Variants in FAAH2 observed in about 807,000 individuals in gnomAD.
The protein encoded by FAAH2 is fatty-acid amide hydrolase 2.
Under a neutral mutation model 36.9 loss-of-function variants are expected in FAAH2, and 60 were observed. The observed-to-expected ratio is 1.63, with a 90% CI of 1.32 to 2.02. The LOEUF is 2.02. Ranked by LOEUF, FAAH2 falls within the 30% of genes most tolerant of loss-of-function variation. FAAH2 has a pLI of 0.00. For synonymous variants in FAAH2, 214 were observed against 143.8 expected (o/e 1.49, Z -3.49); for missense variants, 689 against 397.5 (o/e 1.73, Z -6.23).
intron 4 of FAAH2, among the ~76,000 whole-genome samples, chrX:57,335,847 G>T (rs992454478): frequency 1.8e-5 from 2 of 111,848 alleles, no homozygotes; most frequent in Admixed American, 9.4e-5. Flanking sequence ...TTGTGTCTCT[G>T]GGTACTTGAG....
chrX:57,295,639 G>A (rs888568979), intron 2 of FAAH2, among the ~76,000 whole-genome samples: 4 of 112,220 alleles, frequency 3.6e-5, no homozygotes, highest in Non-Finnish European at 7.5e-5. Flanking sequence ...CACCGTGCAT[G>A]AGCAGCAGCA....
the FAAH2 span, among the ~76,000 whole-genome samples, chrX:57,248,085 C>T: frequency 8.9e-6 from 1 of 111,944 alleles, no homozygotes; most frequent in Non-Finnish European, 1.9e-5. Context: ...CATATTTACT[C>T]ACATGGAGCT....
At chrX:57,424,491 T>C (rs2056113225) in intron 7 of FAAH2, among the ~76,000 whole-genome samples, 1 of 111,823 alleles carries the variant, frequency 8.9e-6, no homozygotes, top group Non-Finnish European at 1.9e-5. Context: ...GAGAAAAATA[T>C]CTGGGAACCA....
chrX:57,302,687 C>T (rs906715547), intron 2 of FAAH2, among the ~76,000 whole-genome samples: 3 of 111,343 alleles, frequency 2.7e-5, no homozygotes, highest in Non-Finnish European at 3.8e-5. Context: ...CGCTCCCCTA[C>T]CACTGGCTGT....
intron 5 of FAAH2, among the ~76,000 whole-genome samples, chrX:57,350,441 T>TG (rs1235590261): frequency 9.2e-6 from 1 of 108,604 alleles, no homozygotes; most frequent in Non-Finnish European, 1.9e-5. Context: ...ACAAACAACG[T>TG]GGGAAAAAAA....
chrX:57,462,492 G>A (rs1225533661), intron 10 of FAAH2, among the ~76,000 whole-genome samples: 1 of 111,822 alleles, frequency 8.9e-6, no homozygotes, highest in Admixed American at 9.5e-5. Flanking sequence ...TGGGATGCAA[G>A]GCTTGTTCAA....
At chrX:57,299,659 T>A (rs1205542938) in intron 2 of FAAH2, among the ~76,000 whole-genome samples, 7 of 111,805 alleles carry the variant, frequency 6.3e-5, no homozygotes, top group African/African-American at 1.6e-4. Flanking sequence ...AAAGAGGAAG[T>A]CAAATTGTCC....
intron 7 of FAAH2, chrX:57,395,313 C>A (rs1161062991): frequency 4.6e-6 from 3 of 651,922 alleles, no homozygotes; most frequent in African/African-American, 2.2e-5. Flanking sequence ...TGGTGTGAAA[C>A]CAGGTACTTG....
At chrX:57,442,940 C>G (rs2056595356) in intron 8 of FAAH2, among the ~76,000 whole-genome samples, 1 of 111,462 alleles carries the variant, frequency 9.0e-6, no homozygotes, top group Non-Finnish European at 1.9e-5. Context: ...TATTGGCCCC[C>G]ACTCTCTTCT....
chrX:57,485,953 G>T (rs1435892771), intron 10 of FAAH2, among the ~76,000 whole-genome samples: 2 of 111,622 alleles, frequency 1.8e-5, no homozygotes, highest in Non-Finnish European at 3.8e-5. Context: ...AGCTGACCTT[G>T]CTCTTGGGTT....
the FAAH2 span, among the ~76,000 whole-genome samples, chrX:57,131,186 C>T: frequency 1.9e-5 from 2 of 106,350 alleles, no homozygotes; most frequent in Non-Finnish European, 3.9e-5. Context: ...CCCGGGTTCA[C>T]GCCATTCTCC....
At chrX:57,311,818 G>A (rs2052702731) in intron 3 of FAAH2, among the ~76,000 whole-genome samples, 1 of 111,973 alleles carries the variant, frequency 8.9e-6, no homozygotes, top group Admixed American at 9.5e-5. Flanking sequence ...GGAGCATATT[G>A]GATCCCCTAG....
the FAAH2 span, among the ~76,000 whole-genome samples, chrX:57,156,453 A>G: frequency 8.9e-6 from 1 of 111,839 alleles, no homozygotes; most frequent in Non-Finnish European, 1.9e-5. Flanking sequence ...ATTCTTCAGT[A>G]TCTGGGCATT....
At chrX:57,216,985 G>C in the FAAH2 span, among the ~76,000 whole-genome samples, 1 of 110,135 alleles carries the variant, frequency 9.1e-6, no homozygotes, top group African/African-American at 3.3e-5. Context: ...GGAATAAGGT[G>C]GTATCGCATT....
At chrX:57,374,364 G>T (rs994820200) in intron 5 of FAAH2, among the ~76,000 whole-genome samples, 1 of 111,597 alleles carries the variant, frequency 9.0e-6, no homozygotes, top group African/African-American at 3.3e-5. Flanking sequence ...GTTTCCATTT[G>T]TTTGTTTCAT....
chrX:57,189,440 G>A, the FAAH2 span, among the ~76,000 whole-genome samples: 1 of 109,543 alleles, frequency 9.1e-6, no homozygotes, highest in South Asian at 4.0e-4. Context: ...CTGGAGAGGA[G>A]TTGTGATCAT....
chrX:57,166,129 G>T, the FAAH2 span, among the ~76,000 whole-genome samples: 23 of 109,225 alleles, frequency 2.1e-4, no homozygotes, highest in African/African-American at 6.7e-4. Context: ...GGGGGTGGTC[G>T]GAGGAGAGTA....
intron 10 of FAAH2, among the ~76,000 whole-genome samples, chrX:57,452,878 G>T (rs2056809332): frequency 1.8e-5 from 2 of 111,971 alleles, no homozygotes; most frequent in Non-Finnish European, 3.8e-5. Context: ...TATTTAAGCT[G>T]GGATCTGTTT....
the FAAH2 span, among the ~76,000 whole-genome samples, chrX:57,241,064 C>CT: frequency 1.8e-5 from 2 of 112,241 alleles, no homozygotes; most frequent in African/African-American, 3.2e-5. Context: ...CCCATGCAGG[C>CT]TGGAGCCCTG....
Sources: allele counts gnomAD v4.1 joint callset (sites outside exome capture counted in the v4.1 genomes callset), GRCh38; gene constraint gnomAD v4.1.1; transcripts MANE v1.5; gene names NCBI Gene and HGNC (gene_info 2026-07-23, HGNC 2026-07-21).